Variants in CTNNA3 observed in about 807,000 individuals in gnomAD.
CTNNA3 encodes the protein catenin alpha-3.
A neutral mutation model predicts 95.7 loss-of-function variants in CTNNA3; 76 were observed. The observed-to-expected ratio is 0.79, with a 90% CI of 0.66 to 0.96. The LOEUF (loss-of-function observed/expected upper bound fraction) is 0.96, where lower values mean the gene tolerates loss of function less well. CTNNA3 is among the 40% of genes least tolerant of loss of function. The pLI is 0.00. For synonymous variants in CTNNA3, 431 were observed against 374.4 expected, an observed-to-expected ratio of 1.15 and a Z score of -1.74; for missense variants, 1,191 against 1,089.8, an observed-to-expected ratio of 1.09 and a Z score of -1.31.
intron 5 of CTNNA3, among the ~76,000 whole-genome samples, chr10:67,280,937 A>G (rs1352162666): frequency 6.6e-6 from 1 of 152,030 alleles, no homozygotes; most frequent in African/African-American, 2.4e-5. Flanking sequence ...TTCTCCTGTT[A>G]ATCTGTCTGT....
intron 9 of CTNNA3, among the ~76,000 whole-genome samples, chr10:66,632,959 A>G (rs957870981): frequency 6.6e-6 from 1 of 152,172 alleles, no homozygotes; most frequent in Non-Finnish European, 1.5e-5. Flanking sequence ...TCTAGCTCTT[A>G]CTAAGCAGGA....
At chr10:67,702,773 G>A (rs960953830) in intron 1 of CTNNA3, among the ~76,000 whole-genome samples, 2 of 152,078 alleles carry the variant, frequency 1.3e-5, no homozygotes, top group African/African-American at 4.8e-5. Context: ...AAATAACTAA[G>A]ATCAGAGCAG....
intron 8 of CTNNA3, among the ~76,000 whole-genome samples, chr10:66,773,863 T>C (rs932887037): frequency 2.0e-5 from 3 of 152,172 alleles, no homozygotes; most frequent in Non-Finnish European, 2.9e-5. Context: ...GAAATACAAG[T>C]AGGATTGCAA....
At chr10:66,108,281 C>A (rs1457041375) in intron 13 of CTNNA3, among the ~76,000 whole-genome samples, 1 of 152,130 alleles carries the variant, frequency 6.6e-6, no homozygotes, top group Non-Finnish European at 1.5e-5. Flanking sequence ...CACCTTTGAC[C>A]ATGAGACTGG....
At chr10:67,471,489 G>A (rs1018561243) in intron 5 of CTNNA3, among the ~76,000 whole-genome samples, 1 of 152,052 alleles carries the variant, frequency 6.6e-6, no homozygotes, top group Non-Finnish European at 1.5e-5. Flanking sequence ...TTTACTTTAC[G>A]GATTCAGTAA....
At chr10:67,594,459 A>G (rs566359908) in intron 3 of CTNNA3, among the ~76,000 whole-genome samples, 3 of 152,156 alleles carry the variant, frequency 2.0e-5, no homozygotes, top group South Asian at 2.1e-4. Context: ...CAGGGTTTCA[A>G]TTTATTCCTG....
intron 9 of CTNNA3, among the ~76,000 whole-genome samples, chr10:66,623,163 T>A (rs893025051): frequency 6.6e-6 from 1 of 152,116 alleles, no homozygotes; most frequent in Non-Finnish European, 1.5e-5. Flanking sequence ...AAAGTGAAAC[T>A]TGACAGTCTA....
At chr10:66,096,440 A>AT (rs1049773110) in intron 14 of CTNNA3, among the ~76,000 whole-genome samples, 9 of 151,896 alleles carry the variant, frequency 5.9e-5, no homozygotes, top group East Asian at 1.9e-4. Context: ...AATGAGATGT[A>AT]TTTTTTTCTC....
chr10:67,460,143 A>G (rs529252882), intron 5 of CTNNA3, among the ~76,000 whole-genome samples: 34 of 152,288 alleles, frequency 2.2e-4, no homozygotes, highest in Middle Eastern at 3.4e-3. Flanking sequence ...ATAGGTTTAT[A>G]TACTTAACAC....
intron 15 of CTNNA3, among the ~76,000 whole-genome samples, chr10:65,995,287 T>C (rs1353467356): frequency 2.0e-5 from 3 of 152,212 alleles, no homozygotes; most frequent in South Asian, 2.1e-4. Flanking sequence ...CACTTCTTTA[T>C]TTTTTTGGAT....
intron 9 of CTNNA3, among the ~76,000 whole-genome samples, chr10:66,629,119 G>A (rs777608210): frequency 6.6e-6 from 1 of 152,054 alleles, no homozygotes. Context: ...TCAAGAGGAT[G>A]ATATCATATA....
chr10:66,605,592 A>G (rs771738884), intron 10 of CTNNA3, among the ~76,000 whole-genome samples: 6 of 152,214 alleles, frequency 3.9e-5, no homozygotes, highest in African/African-American at 9.6e-5. Flanking sequence ...GAAGCCCATC[A>G]GACTAACAGT....
intron 7 of CTNNA3, among the ~76,000 whole-genome samples, chr10:67,117,686 A>C (rs1490983552): frequency 1.3e-5 from 2 of 152,062 alleles, no homozygotes; most frequent in Non-Finnish European, 2.9e-5. Context: ...TTATAAAGCC[A>C]TGGTGATCAC....
chr10:66,927,189 C>G lies in CTNNA3; in HGVS notation c.1048-151665G>C. The G allele has an allele frequency of 6.2e-7, 1 of 1,614,188 alleles. No individual in the cohort carries two copies. The highest frequency in any genetic ancestry group is 8.5e-7 in the Non-Finnish European group (1 of 1,180,038). On this transcript the variant is annotated intron_variant, in intron 7 of 17. Transcript: ENST00000433211. The surrounding 1 kb of genome is among the most constrained non-coding windows in gnomAD (Gnocchi z 4.7). ...GGCTCAACCAGCTCACCTGGCTATA[C>G]CTTGACCATAACCATATCAGCAATA... is the stretch of plus-strand genomic sequence containing the variant.
chr10:67,609,021 C>T (rs1443166815), intron 2 of CTNNA3, among the ~76,000 whole-genome samples: 1 of 140,380 alleles, frequency 7.1e-6, no homozygotes, highest in Admixed American at 7.6e-5. Flanking sequence ...ACCCGGCAGG[C>T]AGAGGTTGCG....
intron 10 of CTNNA3, among the ~76,000 whole-genome samples, chr10:66,592,267 C>T (rs552725103): frequency 2.6e-5 from 4 of 151,924 alleles, no homozygotes; most frequent in Non-Finnish European, 5.9e-5. Context: ...AAAATAAGAT[C>T]ATGAAAAAAG....
intron 5 of CTNNA3, among the ~76,000 whole-genome samples, chr10:67,439,909 C>T (rs984200737): frequency 1.3e-5 from 2 of 152,172 alleles, no homozygotes; most frequent in African/African-American, 4.8e-5. Context: ...ATATTCCCAG[C>T]TGTGGGAACT....
chr10:66,383,528 T>C (rs539683998), intron 11 of CTNNA3, among the ~76,000 whole-genome samples: 8 of 152,276 alleles, frequency 5.3e-5, no homozygotes, highest in African/African-American at 1.9e-4. Context: ...CTCTGCAGGA[T>C]ATTATTCAGG....
intron 5 of CTNNA3, among the ~76,000 whole-genome samples, chr10:67,485,295 C>T (rs2133064766): frequency 6.6e-6 from 1 of 152,262 alleles, no homozygotes; most frequent in East Asian, 1.9e-4. Context: ...AGGATAGCAA[C>T]AAGCTTTCTT....
Sources: gnomAD v4.1 joint callset for allele counts (sites outside exome capture counted in the v4.1 genomes callset) on GRCh38, gnomAD v4.1.1 for gene constraint, Gnocchi (gnomAD v3.1) non-coding constraint, MANE v1.5 for transcripts, NCBI Gene and HGNC (gene_info 2026-07-23, HGNC 2026-07-21) for gene names.